The following SEPTIN10 variants were observed in gnomAD, a reference collection of about 807,000 sequenced individuals.
SEPTIN10 encodes the protein septin 10.
A neutral mutation model predicts 54.8 loss-of-function variants in SEPTIN10; 66 were observed. The ratio of observed to expected loss-of-function variants is 1.21; its 90% CI spans 0.99 to 1.48. The LOEUF is 1.48. SEPTIN10 is among the 40% of genes most tolerant of loss of function. The pLI is 0.00. For missense variants in SEPTIN10, 620 were observed against 545.6 expected, an observed-to-expected ratio of 1.14 and a Z score of -1.36; for synonymous variants, 161 against 181.0, an observed-to-expected ratio of 0.89 and a Z score of 0.89.
At chr2:109,545,080 C>G (rs549833636) in intron 10 of SEPTIN10, 1 of 985,274 alleles carries the variant, frequency 1.0e-6, no homozygotes, top group East Asian at 1.1e-4. Context: ...TTGCAATATT[C>G]TGAAAATGGG....
chr2:109,562,826 ATTGTCAGT>A (rs1489875543), intron 8 of SEPTIN10, among the ~76,000 whole-genome samples: 1 of 152,154 alleles, frequency 6.6e-6, no homozygotes, highest in African/African-American at 2.4e-5. Flanking sequence ...TCATGAGAAA[ATTGTCAGT>A]TTACGAGAAT....
intron 9 of SEPTIN10, among the ~76,000 whole-genome samples, chr2:109,548,304 G>A (rs750298339): frequency 1.1e-4 from 17 of 152,250 alleles, no homozygotes; most frequent in Non-Finnish European, 2.2e-4. Context: ...TTGGTCCTCT[G>A]ATCTGGTTAG....
At chr2:109,545,054 C>T in intron 10 of SEPTIN10, 16 of 985,388 alleles carry the variant, frequency 1.6e-5, no homozygotes, top group Non-Finnish European at 1.9e-5. Context: ...TTATGTTTTC[C>T]TATTTTAAAG....
At chr2:109,590,659 C>A (rs568398301) in intron 2 of SEPTIN10, among the ~76,000 whole-genome samples, 8 of 152,254 alleles carry the variant, frequency 5.3e-5, no homozygotes, top group Middle Eastern at 3.4e-3. Context: ...GAACTCTTGA[C>A]CTCAGGTGAT....
intron 10 of SEPTIN10, chr2:109,545,289 G>T: frequency 7.0e-7 from 1 of 1,427,488 alleles, no homozygotes; most frequent in African/African-American, 1.4e-5. Flanking sequence ...TTAAGTGGGA[G>T]AAATAAAACA....
chr2:109,579,693 T>A (rs1001059844), intron 4 of SEPTIN10, among the ~76,000 whole-genome samples: 1 of 151,754 alleles, frequency 6.6e-6, no homozygotes, highest in Admixed American at 6.6e-5. Flanking sequence ...AGGCCCTGAT[T>A]TTCATTGGTT....
At position 109,553,207 on chromosome 2, in the gene SEPTIN10, G is replaced by A. The variant is rs1004481238; in HGVS notation, c.1041C>T (p.Thr347=). 1 of 1,613,862 alleles carries A rather than the reference G, an allele frequency of 6.2e-7. No homozygotes were observed. The highest frequency in any genetic ancestry group is 8.5e-7 in the Non-Finnish European group (1 of 1,179,986). The change falls in exon 9 of 11, where the codon ACC becomes ACT. Residue 347 remains threonine (T), a synonymous_variant. Transcript: ENST00000397712. ...GGAACTCATGTCTTTTGGCTTCATA[G>A]GTCTCTTGAACACTAAAAAGTTATT... ...PENKPVSVQE[T]YEAKRHEFHG... is the part of the protein sequence containing the mutation.
chr2:109,550,941 A>T (rs188439981), intron 9 of SEPTIN10, among the ~76,000 whole-genome samples: 1 of 152,348 alleles, frequency 6.6e-6, no homozygotes, highest in Admixed American at 6.5e-5. Flanking sequence ...TTATTCCAAG[A>T]TATAGACAGA....
chr2:109,583,823 C>G (rs1437267376), intron 4 of SEPTIN10, among the ~76,000 whole-genome samples: 1 of 152,124 alleles, frequency 6.6e-6, no homozygotes, highest in African/African-American at 2.4e-5. Context: ...AGAACAAAAT[C>G]AAGTCTTTTG....
Position 109,550,472 on chromosome 2 carries a change from C to T in SEPTIN10, c.1161+2615G>A, listed in dbSNP as rs537442425. On this transcript the variant is annotated intron_variant, in intron 9 of 10. Transcript: ENST00000397712. Reference sequence around the variant, plus strand: ...GAATTATAGGCATGTTGCCACCATGCCTGGCTAATTTTTGTATTTTTAGTA... The same window carrying T: ...GAATTATAGGCATGTTGCCACCATGTCTGGCTAATTTTTGTATTTTTAGTA... Among the ~76,000 whole-genome samples, 4 of 151,826 alleles carry T rather than the reference C, an allele frequency of 2.6e-5. No individual in the cohort carries two copies. The South Asian group carries it at 8.3e-4, about 32-fold the overall frequency.
At chr2:109,608,656 T>C (rs1356177564) in intron 1 of SEPTIN10, among the ~76,000 whole-genome samples, 1 of 152,246 alleles carries the variant, frequency 6.6e-6, no homozygotes, top group East Asian at 1.9e-4. Context: ...TATTAAATCA[T>C]ATTTGTTTTA....
chr2:109,590,177 C>A (rs1445851724), intron 2 of SEPTIN10, among the ~76,000 whole-genome samples: 1 of 151,122 alleles, frequency 6.6e-6, no homozygotes, highest in Non-Finnish European at 1.5e-5. Flanking sequence ...AGAGTGGTTA[C>A]CAGTCAGCAG....
At chr2:109,570,449 GACAAT>G (rs1277319838) in intron 5 of SEPTIN10, among the ~76,000 whole-genome samples, 1 of 151,510 alleles carries the variant, frequency 6.6e-6, no homozygotes. Context: ...TTTTTTTAAT[GACAAT>G]ACAACAAGAA....
At chr2:109,606,642 TAA>T (rs34689689) in intron 1 of SEPTIN10, among the ~76,000 whole-genome samples, 3 of 137,272 alleles carry the variant, frequency 2.2e-5, no homozygotes, top group Admixed American at 8.0e-5. Context: ...TCCCTTTTAT[TAA>T]AAAAAAAATT....
In SEPTIN10 at chr2:109,574,573, C is replaced by T. The variant is rs1344136114; in HGVS notation, c.600+8G>A. 5.4e-6 allele frequency: 8 copies of T among 1,491,234 alleles called. No homozygotes were observed. The highest frequency in any genetic ancestry group is 7.1e-6 in the Non-Finnish European group (8 of 1,120,536). The allele number at this position is 1,491,234 out of a possible 1,614,324, so 92.4% of individuals were successfully genotyped here. ...AGTATGGTAAGTTGATTCCTTTCCT[C>T]AACCCACCTTGCTGTCAAGGTTCTT... On this transcript the variant is annotated splice_region_variant and intron_variant, in intron 5 of 10. Transcript: ENST00000397712.
rs995861176 is a variant in SEPTIN10, at chr2:109,578,701, T to C, written c.414-3934A>G. Among the ~76,000 whole-genome samples the C allele has an allele frequency of 4.0e-5, 6 of 151,774 alleles. No individual in the cohort carries two copies. The East Asian group carries it at 1.2e-3, about 29-fold the overall frequency. On this transcript the variant is annotated intron_variant, in intron 4 of 10. Coordinates refer to ENST00000397712, the MANE Select transcript of SEPTIN10 (RefSeq NM_144710.5). ...GGAATCGCTTGAACCTGGGAGGCGG[T>C]GGTTACAGTGAACCGAGATTGTGCC...
At chr2:109,593,695 C>A (rs1694628309) in intron 1 of SEPTIN10, among the ~76,000 whole-genome samples, 1 of 152,170 alleles carries the variant, frequency 6.6e-6, no homozygotes, top group Admixed American at 6.5e-5. Context: ...TGAGCCACCA[C>A]GCCTGGCCTT....
chr2:109,562,366 A>C, intron 8 of SEPTIN10, among the ~76,000 whole-genome samples: 1 of 149,098 alleles, frequency 6.7e-6, no homozygotes, highest in African/African-American at 2.5e-5. Flanking sequence ...CCCCACTTCC[A>C]CCTGCCCCCC....
intron 2 of SEPTIN10, among the ~76,000 whole-genome samples, chr2:109,591,750 T>C (rs953695243): frequency 6.6e-6 from 1 of 151,958 alleles, no homozygotes; most frequent in Admixed American, 6.6e-5. Flanking sequence ...ATACAAAAAT[T>C]GGCCGAGTGT....
Sources: allele counts gnomAD v4.1 joint callset (sites outside exome capture counted in the v4.1 genomes callset), GRCh38; gene constraint gnomAD v4.1.1; transcripts MANE v1.5; gene names NCBI Gene and HGNC (gene_info 2026-07-23, HGNC 2026-07-21).